The following CDK14 variants were observed in gnomAD, a reference collection of about 807,000 sequenced individuals.
CDK14 encodes the protein cyclin-dependent kinase 14.
Under a neutral mutation model 60.7 loss-of-function variants are expected in CDK14, and 34 were observed. The observed-to-expected ratio is 0.56, with a 90% CI of 0.43 to 0.75. The LOEUF is 0.75. Among genes scored for constraint, CDK14 ranks in the 30% least tolerant of loss-of-function variants. CDK14 has a pLI of 0.00. For missense variants in CDK14, 482 were observed against 564.1 expected (o/e 0.85, Z 1.47); for synonymous variants, 197 against 203.7 (o/e 0.97, Z 0.28).
intron 2 of CDK14, among the ~76,000 whole-genome samples, chr7:90,615,894 T>C (rs1234861402): frequency 6.6e-6 from 1 of 152,120 alleles, no homozygotes; most frequent in Non-Finnish European, 1.5e-5. Context: ...CCTTGAAAAT[T>C]TTGCTGCTGT....
intron 10 of CDK14, among the ~76,000 whole-genome samples, chr7:91,024,228 T>C (rs1297534018): frequency 6.6e-6 from 1 of 152,240 alleles, no homozygotes; most frequent in South Asian, 2.1e-4. Context: ...TGTATTACCT[T>C]ATTTAATCTT....
chr7:91,051,706 A>G (rs1421920891), intron 11 of CDK14, among the ~76,000 whole-genome samples: 1 of 152,132 alleles, frequency 6.6e-6, no homozygotes, highest in East Asian at 1.9e-4. Context: ...ATTCCTTTTC[A>G]TGGGTTCATA....
chr7:90,949,362 G>A (rs1002687810), intron 8 of CDK14, among the ~76,000 whole-genome samples: 1 of 151,740 alleles, frequency 6.6e-6, no homozygotes, highest in Admixed American at 6.6e-5. Flanking sequence ...CACCACACTT[G>A]GCCAATTTTT....
intron 2 of CDK14, among the ~76,000 whole-genome samples, chr7:90,648,226 C>T (rs1432370262): frequency 6.6e-6 from 1 of 152,070 alleles, no homozygotes; most frequent in Non-Finnish European, 1.5e-5. Context: ...CCATGTGGTT[C>T]TGCTTGCACA....
chr7:90,761,893 G>A (rs369672748), intron 4 of CDK14, among the ~76,000 whole-genome samples: 1 of 152,290 alleles, frequency 6.6e-6, no homozygotes, highest in East Asian at 1.9e-4. Context: ...GGCAATAGGT[G>A]TGTAGTGGTG....
At chr7:90,950,448 CT>C (rs1794223184) in intron 8 of CDK14, among the ~76,000 whole-genome samples, 1 of 152,170 alleles carries the variant, frequency 6.6e-6, no homozygotes, top group Admixed American at 6.5e-5. Flanking sequence ...CATGGTCAGA[CT>C]TGCTAGTGTA....
chr7:90,606,277 C>T (rs777992733), intron 2 of CDK14, among the ~76,000 whole-genome samples: 5 of 152,150 alleles, frequency 3.3e-5, no homozygotes, highest in Non-Finnish European at 7.4e-5. Context: ...GGTATAATCC[C>T]CAATTCAACT....
intron 14 of CDK14, among the ~76,000 whole-genome samples, chr7:91,194,586 C>T (rs1209424417): frequency 6.6e-6 from 1 of 151,794 alleles, no homozygotes; most frequent in Non-Finnish European, 1.5e-5. Flanking sequence ...AAAGTCAGAC[C>T]TTTTGAAAAG....
intron 7 of CDK14, among the ~76,000 whole-genome samples, chr7:90,907,522 G>A (rs1285206986): frequency 1.3e-5 from 2 of 152,046 alleles, no homozygotes; most frequent in East Asian, 1.9e-4. Context: ...TTACCATGAT[G>A]AGATTGAATC....
intron 10 of CDK14, among the ~76,000 whole-genome samples, chr7:91,020,707 C>G (rs895956346): frequency 6.6e-6 from 1 of 152,114 alleles, no homozygotes; most frequent in Non-Finnish European, 1.5e-5. Context: ...TTGGACATGC[C>G]TATTATTTTT....
rs1001129060 is a variant in CDK14, at chr7:91,207,526, G to A, written c.*390G>A. The A allele has an allele frequency of 2.6e-5, 4 of 152,650 alleles. No homozygotes were observed. The highest frequency in any genetic ancestry group is 5.9e-5 in the Non-Finnish European group (4 of 68,042). The allele number at this position is 152,650 out of a possible 1,614,324, so 9.5% of individuals were successfully genotyped here. On this transcript the variant is annotated 3_prime_UTR_variant, in exon 15 of 15. Coordinates refer to ENST00000380050, the MANE Select transcript of CDK14 (RefSeq NM_001287135.2). Reference sequence around the variant, plus strand: ...AATACATTAAGACAACACATTTGGTGTTCACACTTCTTCAGTAATGTCTGA... The same window carrying A: ...AATACATTAAGACAACACATTTGGTATTCACACTTCTTCAGTAATGTCTGA...
intron 14 of CDK14, among the ~76,000 whole-genome samples, chr7:91,169,357 C>T (rs914532553): frequency 6.6e-6 from 1 of 152,216 alleles, no homozygotes; most frequent in Non-Finnish European, 1.5e-5. Context: ...CTGGTTCTGA[C>T]AGCTGCCTGC....
At chr7:90,929,202 C>T (rs550776527) in intron 8 of CDK14, among the ~76,000 whole-genome samples, 3 of 152,282 alleles carry the variant, frequency 2.0e-5, no homozygotes, top group Admixed American at 6.5e-5. Flanking sequence ...CACCCTGCTC[C>T]GTGGGCTGCA....
intron 9 of CDK14, among the ~76,000 whole-genome samples, chr7:90,957,523 T>C (rs2117574346): frequency 6.6e-6 from 1 of 151,964 alleles, no homozygotes; most frequent in Non-Finnish European, 1.5e-5. Flanking sequence ...ACAAAATCAA[T>C]GTACAAAAAT....
chr7:90,736,036 C>T (rs184108615), intron 3 of CDK14, among the ~76,000 whole-genome samples: 1 of 152,270 alleles, frequency 6.6e-6, no homozygotes, highest in Non-Finnish European at 1.5e-5. Context: ...GTGCACTGTT[C>T]CTCCCGGTAC....
At chr7:91,180,269 T>G (rs988832845) in intron 14 of CDK14, among the ~76,000 whole-genome samples, 2 of 152,206 alleles carry the variant, frequency 1.3e-5, no homozygotes, top group African/African-American at 4.8e-5. Context: ...TTCACATCCC[T>G]TCTGCCTTCA....
intron 6 of CDK14, among the ~76,000 whole-genome samples, chr7:90,869,955 C>T (rs1372892124): frequency 6.6e-6 from 1 of 152,142 alleles, no homozygotes; most frequent in Non-Finnish European, 1.5e-5. Flanking sequence ...ACTGTTAGCT[C>T]GTAATGCTAA....
At position 91,209,819 on chromosome 7, in the gene CDK14, G is replaced by T. The variant is rs945526459; in HGVS notation, c.*2683G>T. 6.6e-6 allele frequency: 1 copy of T among 152,572 alleles called. No homozygotes were observed. Among genetic ancestry groups the T allele is most frequent in the South Asian group, 2.1e-4 (1 of 4,820 alleles). The allele number at this position is 152,572 out of a possible 1,614,324, so 9.5% of individuals were successfully genotyped here. A position where few individuals can be genotyped will look rare whatever the true frequency, so the allele number is the denominator to read the frequency against. On this transcript the variant is annotated 3_prime_UTR_variant, in exon 15 of 15. Coordinates refer to ENST00000380050, the MANE Select transcript of CDK14 (RefSeq NM_001287135.2). The stretch of plus-strand genomic sequence containing the variant: ...CTCAGCAAAAAATAGGGTACATAAA[G>T]CAGGGTGGCTGTCCATCCACTGATT...
intron 2 of CDK14, among the ~76,000 whole-genome samples, chr7:90,660,454 G>A (rs1352148387): frequency 2.0e-5 from 3 of 152,112 alleles, no homozygotes; most frequent in African/African-American, 4.8e-5. Flanking sequence ...GAGATTGAAT[G>A]TATTAATATA....
Sources: gnomAD v4.1 joint callset for allele counts (sites outside exome capture counted in the v4.1 genomes callset) on GRCh38, gnomAD v4.1.1 for gene constraint, MANE v1.5 for transcripts, NCBI Gene and HGNC (gene_info 2026-07-23, HGNC 2026-07-21) for gene names.